Variants in HS6ST3 observed in about 807,000 individuals in gnomAD.
HS6ST3 encodes the protein heparan sulfate 6-O-sulfotransferase 3.
A neutral mutation model predicts 36.7 loss-of-function variants in HS6ST3; 12 were observed. The ratio of observed to expected loss-of-function variants is 0.33; its 90% CI spans 0.21 to 0.53. The LOEUF is 0.53. Among genes scored for constraint, HS6ST3 ranks in the 20% least tolerant of loss-of-function variants. HS6ST3 has a pLI of 0.95. For synonymous variants in HS6ST3, 240 were observed against 257.5 expected, an observed-to-expected ratio of 0.93 and a Z score of 0.65; for missense variants, 584 against 640.9, an observed-to-expected ratio of 0.91 and a Z score of 0.96.
intron 1 of HS6ST3, among the ~76,000 whole-genome samples, chr13:96,222,858 A>T (rs1362899205): frequency 6.6e-6 from 1 of 151,846 alleles, no homozygotes; most frequent in Non-Finnish European, 1.5e-5. Context: ...TCAAGTTAGG[A>T]CTCTTTTGTA....
intron 1 of HS6ST3, among the ~76,000 whole-genome samples, chr13:96,701,728 G>A (rs1273620745): frequency 6.6e-6 from 1 of 152,140 alleles, no homozygotes; most frequent in Non-Finnish European, 1.5e-5. Flanking sequence ...GGTAGGCTGA[G>A]GCAAGCGGAT....
intron 1 of HS6ST3, among the ~76,000 whole-genome samples, chr13:96,607,468 A>T (rs897796231): frequency 6.6e-6 from 1 of 152,226 alleles, no homozygotes; most frequent in African/African-American, 2.4e-5. Flanking sequence ...TGAGACAAGT[A>T]GAATAACTAG....
intron 1 of HS6ST3, among the ~76,000 whole-genome samples, chr13:96,439,010 T>A (rs1478733581): frequency 1.3e-5 from 2 of 151,734 alleles, no homozygotes; most frequent in Non-Finnish European, 2.9e-5. Context: ...GAGGCTGCAG[T>A]GAACCAAGAT....
chr13:96,718,388 G>A (rs1875756957), intron 1 of HS6ST3, among the ~76,000 whole-genome samples: 1 of 152,082 alleles, frequency 6.6e-6, no homozygotes, highest in African/African-American at 2.4e-5. Context: ...TGAGATTATA[G>A]GACATGCTGT....
chr13:96,322,009 T>G lies in HS6ST3; in HGVS notation c.707+230440T>G, dbSNP rs1351705280. Among the ~76,000 whole-genome samples the G allele has an allele frequency of 1.3e-5, 2 of 148,890 alleles. 1 individual carries two copies. The highest frequency in any genetic ancestry group is 5.0e-5 in the African/African-American group (2 of 39,962). Reference sequence around the variant, plus strand: ...TTCTGACTTCACTGAAAAAAAAAAATGGAACTCATCAGAGCAGAACTTCTG... The same window carrying G: ...TTCTGACTTCACTGAAAAAAAAAAAGGGAACTCATCAGAGCAGAACTTCTG... On this transcript the variant is annotated intron_variant, in intron 1 of 1. Transcript: ENST00000376705.
At chr13:96,714,608 G>A (rs532359273) in intron 1 of HS6ST3, among the ~76,000 whole-genome samples, 52 of 152,244 alleles carry the variant, frequency 3.4e-4, no homozygotes, top group Admixed American at 1.2e-3. Flanking sequence ...TTGAAGATGT[G>A]CATTCCCTAC....
chr13:96,785,176 A>AG (rs1877618596), intron 1 of HS6ST3, among the ~76,000 whole-genome samples: 1 of 152,120 alleles, frequency 6.6e-6, no homozygotes, highest in Non-Finnish European at 1.5e-5. Context: ...CTAAAAAAAA[A>AG]AAAGTTTCTC....
chr13:96,205,524 CAAAA>C (rs200882967), intron 1 of HS6ST3, among the ~76,000 whole-genome samples: 3 of 150,944 alleles, frequency 2.0e-5, no homozygotes, highest in Non-Finnish European at 3.0e-5. Context: ...GATACAACAA[CAAAA>C]AAAAACTTCA....
In HS6ST3 at chr13:96,090,195, T is replaced by G. The variant is rs1282317833; in HGVS notation, c.-668T>G. ...CTGGGCGGACAGCCCGGAGCGGCAG[T>G]GCGACTCGCCGGGAGAGGCGTCTCC... is the stretch of plus-strand genomic sequence containing the variant. On this transcript the variant is annotated 5_prime_UTR_variant, in exon 1 of 2. Coordinates refer to ENST00000376705, the MANE Select transcript of HS6ST3 (RefSeq NM_153456.4). Among the ~76,000 whole-genome samples the G allele has an allele frequency of 6.6e-6, 1 of 151,748 alleles. No individual in the cohort carries two copies. Among genetic ancestry groups the G allele is most frequent in the Non-Finnish European group, 1.5e-5 (1 of 67,778 alleles).
At chr13:96,332,041 C>T (rs1019071577) in intron 1 of HS6ST3, among the ~76,000 whole-genome samples, 1 of 152,194 alleles carries the variant, frequency 6.6e-6, no homozygotes, top group Non-Finnish European at 1.5e-5. Context: ...TGCTTCGGCT[C>T]GCGCAGGGTG....
intron 1 of HS6ST3, among the ~76,000 whole-genome samples, chr13:96,658,511 G>A (rs1260810840): frequency 6.6e-6 from 1 of 151,022 alleles, no homozygotes; most frequent in Non-Finnish European, 1.5e-5. Context: ...TCGAACTCCT[G>A]ATCTCAAATG....
chr13:96,472,908 T>G (rs1012695091), intron 1 of HS6ST3, among the ~76,000 whole-genome samples: 2 of 152,218 alleles, frequency 1.3e-5, no homozygotes, highest in African/African-American at 4.8e-5. Flanking sequence ...AAGCCTATGT[T>G]TGGAATATCT....
chr13:96,283,435 T>C (rs1166891188), intron 1 of HS6ST3, among the ~76,000 whole-genome samples: 1 of 151,560 alleles, frequency 6.6e-6, no homozygotes, highest in African/African-American at 2.4e-5. Context: ...ATATAAACTG[T>C]ATGTAACATC....
chr13:96,350,309 G>A (rs1441278774), intron 1 of HS6ST3, among the ~76,000 whole-genome samples: 1 of 152,172 alleles, frequency 6.6e-6, no homozygotes, highest in Non-Finnish European at 1.5e-5. Context: ...AACAGAAATA[G>A]CCAGCTTACA....
intron 1 of HS6ST3, among the ~76,000 whole-genome samples, chr13:96,669,183 T>C (rs950179728): frequency 1.3e-5 from 2 of 152,178 alleles, no homozygotes; most frequent in Admixed American, 1.3e-4. Flanking sequence ...AGAATCTTCT[T>C]AGGTATAAAC....
intron 1 of HS6ST3, among the ~76,000 whole-genome samples, chr13:96,126,306 G>T (rs2053950720): frequency 6.6e-6 from 1 of 152,136 alleles, no homozygotes; most frequent in Non-Finnish European, 1.5e-5. Context: ...GTCTCCTCCA[G>T]CACCCCACTC....
chr13:96,129,451 C>T (rs1318049461), intron 1 of HS6ST3, among the ~76,000 whole-genome samples: 1 of 152,182 alleles, frequency 6.6e-6, no homozygotes, highest in African/African-American at 2.4e-5. Flanking sequence ...TTTATTGAAA[C>T]ATCTTCTGTT....
intron 1 of HS6ST3, among the ~76,000 whole-genome samples, chr13:96,488,895 T>C (rs1404880565): frequency 4.6e-5 from 7 of 152,020 alleles, no homozygotes; most frequent in Admixed American, 3.9e-4. Context: ...AAAAGCATTT[T>C]TTTTCTACTT....
Position 96,505,223 on chromosome 13 carries a change from G to T in HS6ST3, c.708-327267G>T, listed in dbSNP as rs973192860. ...ATTCCCAAAAGATAGGCAGGCTGCGGTTTAAATCCATCAAAAACATGCAAG... is the reference window on the plus strand; with the variant it reads ...ATTCCCAAAAGATAGGCAGGCTGCGTTTTAAATCCATCAAAAACATGCAAG... On this transcript the variant is annotated intron_variant, in intron 1 of 1. Transcript: ENST00000376705. 1.1e-4 allele frequency among the ~76,000 whole-genome samples: 16 copies of T among 152,166 alleles called. 1 individual carries two copies. Among genetic ancestry groups the T allele is most frequent in the Admixed American group, 8.5e-4 (13 of 15,258 alleles).
Sources: allele counts gnomAD v4.1 joint callset (sites outside exome capture counted in the v4.1 genomes callset), GRCh38; gene constraint gnomAD v4.1.1; transcripts MANE v1.5; gene names NCBI Gene and HGNC (gene_info 2026-07-23, HGNC 2026-07-21).